Variants in DGKI observed in about 807,000 individuals in gnomAD.
DGKI encodes the protein diacylglycerol kinase iota, also known as DAG kinase iota.
DGKI carries 55 observed loss-of-function variants against 147.5 expected under a neutral mutation model. The observed-to-expected ratio is 0.37, with a 90% confidence interval of 0.30 to 0.47. The LOEUF (loss-of-function observed/expected upper bound fraction) is 0.47, where lower values mean the gene tolerates loss of function less well. Among genes scored for constraint, DGKI ranks in the 20% least tolerant of loss-of-function variants. The pLI is 1.00. For missense variants in DGKI, 1,007 were observed against 1,323.8 expected (o/e 0.76, Z 3.71); for synonymous variants, 469 against 477.1 (o/e 0.98, Z 0.22).
At chr7:137,614,123 C>A (rs1820455728) in intron 8 of DGKI, among the ~76,000 whole-genome samples, 1 of 152,068 alleles carries the variant, frequency 6.6e-6, no homozygotes, top group African/African-American at 2.4e-5. Context: ...TTCAAAGAAA[C>A]CAGCTTGTTC....
intron 20 of DGKI, among the ~76,000 whole-genome samples, chr7:137,551,957 C>T (rs1728443): frequency 0.11 from 16,625 of 152,120 alleles, 2,053 homozygotes; most frequent in African/African-American, 0.3. Context: ...GCCAACCACC[C>T]GTGACTGGAG....
chr7:137,389,957 C>T lies in DGKI; in HGVS notation c.*1263G>A, dbSNP rs757833367. On this transcript the variant is annotated 3_prime_UTR_variant, in exon 33 of 33. Transcript: ENST00000614521. ...GAAGCATCCTTCTGAATGATCCAGG[C>T]ATCCCATAAATCTGGCAGTGGAACT... 5.9e-5 allele frequency: 9 copies of T among 152,172 alleles called. No individual in the cohort carries two copies. Among genetic ancestry groups the T allele is most frequent in the Admixed American group, 2.6e-4 (4 of 15,276 alleles). The allele number at this position is 152,172 out of a possible 1,614,324, so 9.4% of individuals were successfully genotyped here.
In DGKI at chr7:137,416,027, A is replaced by G. The variant is rs555981738; in HGVS notation, c.2762-3820T>C. ...CAAACAAAAAAAACAACAACAAAATAGCCTATGTTCTCAAGACTGTATTGA... is the reference window on the plus strand; with the variant it reads ...CAAACAAAAAAAACAACAACAAAATGGCCTATGTTCTCAAGACTGTATTGA... On this transcript the variant is annotated intron_variant, in intron 28 of 32. Coordinates refer to ENST00000614521, the MANE Select transcript of DGKI (RefSeq NM_001321708.2). Among the ~76,000 whole-genome samples, 19 of 152,122 alleles carry G rather than the reference A, an allele frequency of 1.2e-4. No homozygotes were observed. In the East Asian group the frequency reaches 3.5e-3, roughly 28 times the overall value.
intron 21 of DGKI, among the ~76,000 whole-genome samples, chr7:137,509,840 C>T (rs1816517149): frequency 6.6e-6 from 1 of 152,146 alleles, no homozygotes; most frequent in Non-Finnish European, 1.5e-5. Context: ...AAGCCCAGCC[C>T]ACAACCCCTC....
At chr7:137,676,765 T>A (rs946424881) in intron 3 of DGKI, among the ~76,000 whole-genome samples, 1 of 152,204 alleles carries the variant, frequency 6.6e-6, no homozygotes, top group African/African-American at 2.4e-5. Context: ...CCTAAAGGTA[T>A]TAGTGAACAA....
At chr7:137,705,685 G>T (rs1157879315) in intron 1 of DGKI, among the ~76,000 whole-genome samples, 1 of 151,920 alleles carries the variant, frequency 6.6e-6, no homozygotes, top group Non-Finnish European at 1.5e-5. Flanking sequence ...CTCATAACTT[G>T]CATTTAAATA....
At chr7:137,627,887 C>A (rs1820998875) in intron 6 of DGKI, among the ~76,000 whole-genome samples, 1 of 152,220 alleles carries the variant, frequency 6.6e-6, no homozygotes, top group Non-Finnish European at 1.5e-5. Context: ...ACTCTTCTAA[C>A]TTCCTCTTTC....
chr7:137,811,609 T>C (rs533469682), intron 1 of DGKI, among the ~76,000 whole-genome samples: 27 of 152,342 alleles, frequency 1.8e-4, no homozygotes, highest in Admixed American at 8.5e-4. Context: ...ATAAGGGTTG[T>C]GGTGCAGCAT....
At chr7:137,485,726 T>C (rs1263425016) in intron 22 of DGKI, among the ~76,000 whole-genome samples, 1 of 152,098 alleles carries the variant, frequency 6.6e-6, no homozygotes, top group Admixed American at 6.6e-5. Flanking sequence ...ACAGGCAATT[T>C]TGTTCTGATA....
chr7:137,742,740 C>G (rs1795215100), intron 1 of DGKI, among the ~76,000 whole-genome samples: 1 of 151,962 alleles, frequency 6.6e-6, no homozygotes, highest in Non-Finnish European at 1.5e-5. Context: ...AAAATAAAGT[C>G]AGAAAGGAAA....
At chr7:137,592,456 C>T (rs1247302424) in intron 12 of DGKI, among the ~76,000 whole-genome samples, 1 of 152,246 alleles carries the variant, frequency 6.6e-6, no homozygotes, top group Non-Finnish European at 1.5e-5. Flanking sequence ...CTGGTCAATG[C>T]TGCCACCATC....
At chr7:137,795,581 A>T (rs1409001950) in intron 1 of DGKI, among the ~76,000 whole-genome samples, 1 of 152,184 alleles carries the variant, frequency 6.6e-6, no homozygotes, top group Non-Finnish European at 1.5e-5. Flanking sequence ...AAAACTTAAA[A>T]ATCAAAATAT....
intron 1 of DGKI, among the ~76,000 whole-genome samples, chr7:137,698,128 A>T (rs1197397771): frequency 6.6e-6 from 1 of 150,908 alleles, no homozygotes; most frequent in Admixed American, 6.6e-5. Flanking sequence ...ATAGATATAG[A>T]TATAGATATA....
At chr7:137,745,174 G>A (rs911670089) in intron 1 of DGKI, among the ~76,000 whole-genome samples, 1 of 152,198 alleles carries the variant, frequency 6.6e-6, no homozygotes, top group African/African-American at 2.4e-5. Context: ...GCCTTATAAA[G>A]TGAAGAATGT....
intron 13 of DGKI, among the ~76,000 whole-genome samples, chr7:137,586,813 A>G (rs1819419653): frequency 6.6e-6 from 1 of 152,206 alleles, no homozygotes. Context: ...CTTGAGGCCA[A>G]ACTCACCCAC....
At chr7:137,581,430 A>G (rs1393963569) in intron 15 of DGKI, among the ~76,000 whole-genome samples, 3 of 152,096 alleles carry the variant, frequency 2.0e-5, no homozygotes, top group South Asian at 4.1e-4. Flanking sequence ...CCATATTTCA[A>G]TGGCTGTGGT....
At chr7:137,628,768 C>G (rs1169693558) in intron 6 of DGKI, among the ~76,000 whole-genome samples, 1 of 152,012 alleles carries the variant, frequency 6.6e-6, no homozygotes, top group Non-Finnish European at 1.5e-5. Context: ...CAAATTGAGC[C>G]TTTGGAATAA....
At chr7:137,842,051 A>T (rs1470453000) in intron 1 of DGKI, among the ~76,000 whole-genome samples, 2 of 152,262 alleles carry the variant, frequency 1.3e-5, no homozygotes, top group Non-Finnish European at 2.9e-5. Flanking sequence ...AACAGTCAGT[A>T]TGTAAGTCAT....
At chr7:137,409,522 GAATGGAGGTAAGGAC>G (rs1157277525) in intron 29 of DGKI, among the ~76,000 whole-genome samples, 3 of 152,224 alleles carry the variant, frequency 2.0e-5, no homozygotes, top group Non-Finnish European at 4.4e-5. Flanking sequence ...AGCAGTAGCT[GAATGGAGGTAAGGAC>G]AATGGAGGTA....
Sources: gnomAD v4.1 joint callset for allele counts (sites outside exome capture counted in the v4.1 genomes callset) on GRCh38, gnomAD v4.1.1 for gene constraint, MANE v1.5 for transcripts, NCBI Gene and HGNC (gene_info 2026-07-23, HGNC 2026-07-21) for gene names.